RORA: variants seen among roughly 807,000 people sequenced by gnomAD.
RORA encodes the protein RAR related orphan receptor A, also known as nuclear receptor ROR-alpha.
In RORA, 7 loss-of-function variants were observed where a neutral mutation model predicts 69.5. The observed-to-expected ratio is 0.10, with a 90% CI of 0.06 to 0.19. RORA has a LOEUF of 0.19. Among genes scored for constraint, RORA ranks in the 10% least tolerant of loss-of-function variants. The probability of loss-of-function intolerance (pLI) is 1.00; values close to 1 mark genes in which losing one functional copy is unlikely to be tolerated. For synonymous variants in RORA, 261 were observed against 240.8 expected (o/e 1.08, Z -0.78); for missense variants, 457 against 663.0 (o/e 0.69, Z 3.41).
chr15:60,884,695 C>G (rs2073732065), intron 1 of RORA, among the ~76,000 whole-genome samples: 1 of 152,146 alleles, frequency 6.6e-6, no homozygotes, highest in African/African-American at 2.4e-5. Context: ...TTTATTGACT[C>G]TATTAAGGTC....
At chr15:60,928,093 A>G (rs1364196129) in intron 1 of RORA, among the ~76,000 whole-genome samples, 2 of 152,112 alleles carry the variant, frequency 1.3e-5, no homozygotes, top group Non-Finnish European at 2.9e-5. Context: ...CCCTGGCACT[A>G]GAGAATCTCT....
intron 1 of RORA, among the ~76,000 whole-genome samples, chr15:61,094,237 T>G (rs756195970): frequency 4.6e-5 from 7 of 152,190 alleles, no homozygotes; most frequent in Non-Finnish European, 8.8e-5. Context: ...GATATCAGAA[T>G]AGTCAGAAGT....
At chr15:60,903,476 A>G (rs1215539693) in intron 1 of RORA, among the ~76,000 whole-genome samples, 2 of 152,244 alleles carry the variant, frequency 1.3e-5, no homozygotes, top group Non-Finnish European at 2.9e-5. Context: ...AGTCATCCTC[A>G]GAGTCCTAAT....
At chr15:61,067,893 T>A (rs887069527) in intron 1 of RORA, among the ~76,000 whole-genome samples, 2 of 152,216 alleles carry the variant, frequency 1.3e-5, no homozygotes, top group Non-Finnish European at 2.9e-5. Flanking sequence ...CCCTGTCAGA[T>A]CCTTCCTTGG....
Position 61,226,845 on chromosome 15 carries a change from CAG to C in RORA, c.166+2206_166+2207del, listed in dbSNP as rs1195135389. Among the ~76,000 whole-genome samples, 1 of 149,566 alleles carries C rather than the reference CAG, an allele frequency of 6.7e-6. No homozygotes were observed. The highest frequency in any genetic ancestry group is 1.5e-5 in the Non-Finnish European group (1 of 67,696). ...CATTAAATCTTCCAGGAGGGACAGA[CAG>C]GGGCTGGTTCAAAGAATGAGTTGGG... On this transcript the variant is annotated intron_variant, in intron 1 of 10. Coordinates refer to ENST00000335670, the MANE Select transcript of RORA (RefSeq NM_134261.3). The surrounding 1 kb of genome is among the most constrained non-coding windows in gnomAD (Gnocchi z 4.2).
intron 1 of RORA, among the ~76,000 whole-genome samples, chr15:60,889,353 G>C (rs4997228): frequency 8.5e-5 from 2 of 23,466 alleles, no homozygotes; most frequent in Non-Finnish European, 1.4e-4. Flanking sequence ...AGTGGGGCGG[G>C]GGGGGGGGGA....
intron 1 of RORA, among the ~76,000 whole-genome samples, chr15:61,062,573 G>T (rs1480941722): frequency 2.6e-5 from 4 of 152,338 alleles, no homozygotes; most frequent in Admixed American, 2.6e-4. Context: ...AGAGGAAACA[G>T]CTTGGGTAAA....
intron 2 of RORA, among the ~76,000 whole-genome samples, chr15:60,611,282 T>C (rs914440702): frequency 6.6e-6 from 1 of 152,000 alleles, no homozygotes; most frequent in Non-Finnish European, 1.5e-5. Context: ...GCTAGACCCT[T>C]GTTTCAATAT....
chr15:60,721,617 G>C (rs893935170), intron 1 of RORA, among the ~76,000 whole-genome samples: 2 of 152,196 alleles, frequency 1.3e-5, no homozygotes, highest in Non-Finnish European at 2.9e-5. Flanking sequence ...TTAACTGCTA[G>C]TAAACAAGTT....
At chr15:60,991,868 T>C (rs1002564686) in intron 1 of RORA, among the ~76,000 whole-genome samples, 3 of 151,724 alleles carry the variant, frequency 2.0e-5, no homozygotes, top group Non-Finnish European at 4.4e-5. Context: ...ACAGCATCCC[T>C]GTACTCCAGC....
chr15:61,026,504 G>A (rs984335423), intron 1 of RORA, among the ~76,000 whole-genome samples: 1 of 152,132 alleles, frequency 6.6e-6, no homozygotes, highest in Non-Finnish European at 1.5e-5. Flanking sequence ...AGAAAATCAA[G>A]TATACTTCTT....
intron 1 of RORA, among the ~76,000 whole-genome samples, chr15:61,215,125 C>T (rs1042471998): frequency 3.3e-5 from 5 of 150,218 alleles, no homozygotes; most frequent in Non-Finnish European, 4.4e-5. Context: ...CCTCGTGATC[C>T]GCCCGCCTCA....
chr15:61,063,756 G>A (rs549298161), intron 1 of RORA, among the ~76,000 whole-genome samples: 2 of 152,120 alleles, frequency 1.3e-5, no homozygotes, highest in African/African-American at 4.8e-5. Flanking sequence ...ATTAACTATT[G>A]TTATTAGAAA....
rs968835010 is a variant in RORA at position 60,537,668 on chromosome 15, G to A, written c.197-5817C>T. The stretch of plus-strand genomic sequence containing the variant: ...ATGGCCATCAGGGATGAGTAGAGCC[G>A]AGTTATAGCTGCATCCTATGCAAAC... On this transcript the variant is annotated intron_variant, in intron 2 of 10. Transcript: ENST00000335670. This position sits in a 1 kb window ranked among gnomAD's most constrained non-coding sequence, Gnocchi z 4.9. 8.5e-5 allele frequency among the ~76,000 whole-genome samples: 13 copies of A among 152,204 alleles called. No individual in the cohort carries two copies. The highest frequency in any genetic ancestry group is 2.7e-4 in the African/African-American group (11 of 41,452).
At chr15:60,519,128 G>C (rs1038141831) in intron 3 of RORA, among the ~76,000 whole-genome samples, 1 of 151,984 alleles carries the variant, frequency 6.6e-6, no homozygotes, top group African/African-American at 2.4e-5. Flanking sequence ...TAAAAGGTTC[G>C]CAGTTTCAGG....
At chr15:61,150,515 T>C (rs1278667994) in intron 1 of RORA, among the ~76,000 whole-genome samples, 1 of 152,202 alleles carries the variant, frequency 6.6e-6, no homozygotes, top group Non-Finnish European at 1.5e-5. Context: ...ACTCAAAAGA[T>C]AACATTCCTA....
chr15:60,658,484 C>T (rs1478854130), intron 2 of RORA, among the ~76,000 whole-genome samples: 1 of 152,192 alleles, frequency 6.6e-6, no homozygotes, highest in African/African-American at 2.4e-5. Flanking sequence ...AGAATCTCTG[C>T]AATGGGCAGA....
chr15:61,075,497 T>C (rs761479495), intron 1 of RORA, among the ~76,000 whole-genome samples: 3 of 152,156 alleles, frequency 2.0e-5, no homozygotes, highest in Non-Finnish European at 2.9e-5. Flanking sequence ...GTGCTTCTCA[T>C]TGGTAGGGCA....
chr15:61,139,809 A>G (rs1288986661), intron 1 of RORA, among the ~76,000 whole-genome samples: 2 of 152,168 alleles, frequency 1.3e-5, no homozygotes, highest in African/African-American at 4.8e-5. Flanking sequence ...AAAATAAATC[A>G]CAAGAAAAAA....
Sources: allele counts gnomAD v4.1 joint callset (sites outside exome capture counted in the v4.1 genomes callset), GRCh38; gene constraint gnomAD v4.1.1; non-coding constraint Gnocchi (gnomAD v3.1); transcripts MANE v1.5; gene names NCBI Gene and HGNC (gene_info 2026-07-23, HGNC 2026-07-21).